CACNA1E: variants seen among roughly 807,000 people sequenced by gnomAD.
CACNA1E encodes the protein calcium voltage-gated channel subunit alpha1 E, also known as voltage-dependent R-type calcium channel subunit alpha-1E.
Under a neutral mutation model 259.2 loss-of-function variants are expected in CACNA1E, and 40 were observed. That is an observed-to-expected ratio of 0.15 (90% confidence interval 0.12 to 0.20). The LOEUF is 0.20. Among genes scored for constraint, CACNA1E ranks in the 10% least tolerant of loss-of-function variants. The pLI is 1.00. For synonymous variants in CACNA1E, 1,104 were observed against 1,138.5 expected (o/e 0.97, Z 0.61); for missense variants, 1,874 against 3,040.1 (o/e 0.62, Z 9.02).
intron 6 of CACNA1E, among the ~76,000 whole-genome samples, chr1:181,634,903 C>G (rs78954290): frequency 6.6e-6 from 1 of 152,190 alleles, no homozygotes; most frequent in Admixed American, 6.5e-5. Context: ...TCTAACCCTG[C>G]CTCTACGATG....
At chr1:181,747,437 A>C (rs1278468875) in intron 25 of CACNA1E, among the ~76,000 whole-genome samples, 2 of 139,540 alleles carry the variant, frequency 1.4e-5, no homozygotes, top group Non-Finnish European at 3.1e-5. Flanking sequence ...TGATGAAACA[A>C]GAAAAATCTG....
intron 7 of CACNA1E, among the ~76,000 whole-genome samples, chr1:181,654,578 T>A (rs1418827423): frequency 2.0e-5 from 3 of 152,164 alleles, no homozygotes. Context: ...TGTCCATAAC[T>A]GGGAGATTAT....
At position 181,771,368 on chromosome 1, in the gene CACNA1E, C is replaced by G; in HGVS notation, c.4957C>G (p.Leu1653Val). Residue 1653 changes from leucine (L) to valine (V), a missense_variant, in exon 36 of 48, where the codon CTA becomes GTA. Physicochemically the swap from Leu to Val is conservative, Grantham distance 32. Around this residue, in one of 14 missense-constraint regions of CACNA1E, gnomAD observed 147 missense variants for 337.1 expected, o/e 0.44. Coordinates refer to ENST00000367573, the MANE Select transcript of CACNA1E (RefSeq NM_001205293.3). Reference protein sequence around the residue: ...HNNFRSFFGSLMLLFRSATGE... With the variant: ...HNNFRSFFGSVMLLFRSATGE... ...CAACTTCCGGAGTTTCTTTGGGTCC[C>G]TAATGCTACTCTTCAGGTACCTGGA... The G allele has an allele frequency of 6.3e-7, 1 of 1,588,380 alleles. No individual in the cohort carries two copies. Among genetic ancestry groups the G allele is most frequent in the East Asian group, 2.2e-5 (1 of 44,552 alleles).
chr1:181,537,920 A>C (rs1246795134), intron 3 of CACNA1E, among the ~76,000 whole-genome samples: 1 of 152,240 alleles, frequency 6.6e-6, no homozygotes, highest in Non-Finnish European at 1.5e-5. Flanking sequence ...TAACACATGT[A>C]AAGCACTTAG....
chr1:181,350,190 G>A lies in CACNA1E; in HGVS notation c.-15+32067G>A, dbSNP rs79686742. 1.1e-4 allele frequency among the ~76,000 whole-genome samples: 17 copies of A among 152,292 alleles called. No individual in the cohort carries two copies. The East Asian group carries it at 1.9e-3, about 17-fold the overall frequency. ...TGCAGGCAGCCTTCCCTAAGGCCCC[G>A]TTCTCCATTTTAATTTTGGGAAACT... On this transcript the variant is annotated intron_variant, in intron 1 of 11. Coordinates refer to the CACNA1E transcript ENST00000524607.
chr1:181,428,904 G>A (rs376627651), intron 2 of CACNA1E, among the ~76,000 whole-genome samples: 3 of 152,286 alleles, frequency 2.0e-5, no homozygotes, highest in South Asian at 2.1e-4. Context: ...AAAGGAGGCC[G>A]GGTGCGGTGG....
chr1:181,606,368 TC>T (rs1334590358), intron 6 of CACNA1E, among the ~76,000 whole-genome samples: 1 of 152,138 alleles, frequency 6.6e-6, no homozygotes, highest in Non-Finnish European at 1.5e-5. Flanking sequence ...TCCTTCTTTT[TC>T]CCTACTCCTT....
chr1:181,318,856 A>C (rs1048516567), intron 1 of CACNA1E, among the ~76,000 whole-genome samples: 1 of 152,164 alleles, frequency 6.6e-6, no homozygotes, highest in African/African-American at 2.4e-5. Flanking sequence ...AAGAGCACAG[A>C]GGAAGCCAGG....
chr1:181,619,069 A>G (rs955969231), intron 6 of CACNA1E, among the ~76,000 whole-genome samples: 1 of 152,202 alleles, frequency 6.6e-6, no homozygotes, highest in Non-Finnish European at 1.5e-5. Context: ...GGGATACATC[A>G]GGGAACAAAA....
chr1:181,592,795 GCA>G (rs150144781), intron 6 of CACNA1E, among the ~76,000 whole-genome samples: 4 of 151,020 alleles, frequency 2.6e-5, no homozygotes, highest in Non-Finnish European at 4.4e-5. Flanking sequence ...TCCCATGCAT[GCA>G]CACACACACA....
intron 3 of CACNA1E, among the ~76,000 whole-genome samples, chr1:181,548,575 A>C (rs985833277): frequency 1.5e-4 from 23 of 152,188 alleles, no homozygotes; most frequent in African/African-American, 5.6e-4. Context: ...TGTCTTGCAC[A>C]TGGTTGTGCT....
Position 181,464,624 on chromosome 1 carries a change from C to A in CACNA1E, c.435-19120C>A, listed in dbSNP as rs1274709867. Among the ~76,000 whole-genome samples the A allele has an allele frequency of 2.8e-5, 4 of 143,984 alleles. No individual in the cohort carries two copies. In the East Asian group the frequency reaches 8.2e-4, roughly 30 times the overall value. The allele number at this position is 143,984 out of a possible 152,430, so 94.5% of individuals were successfully genotyped here. A position where few individuals can be genotyped will look rare whatever the true frequency, so the allele number is the denominator to read the frequency against. On this transcript the variant is annotated intron_variant, in intron 2 of 11. Transcript: ENST00000524607. ...GCTTTTTTTTTTTTTTTGTAGGCAA[C>A]TCTTATATTTTGGATGCAGGCAGCA... is the stretch of plus-strand genomic sequence containing the variant.
chr1:181,756,163 C>T (rs1658073441), intron 29 of CACNA1E, 70 bp downstream of exon 29: 2 of 1,433,180 alleles, frequency 1.4e-6, no homozygotes, highest in African/African-American at 1.4e-5. Flanking sequence ...GAAGCTGACT[C>T]AAGATGAACA....
At chr1:181,435,437 C>T (rs1272263481) in intron 2 of CACNA1E, among the ~76,000 whole-genome samples, 1 of 152,218 alleles carries the variant, frequency 6.6e-6, no homozygotes, top group East Asian at 1.9e-4. Flanking sequence ...TGTACTCTTA[C>T]TCACACTTAG....
intron 1 of CACNA1E, among the ~76,000 whole-genome samples, chr1:181,325,583 T>A (rs774275186): frequency 6.6e-6 from 1 of 152,256 alleles, no homozygotes; most frequent in Non-Finnish European, 1.5e-5. Flanking sequence ...TGGGAACCCC[T>A]GTTAGAAGGA....
chr1:181,656,270 T>C (rs774367200), intron 7 of CACNA1E, among the ~76,000 whole-genome samples: 91 of 152,244 alleles, frequency 6.0e-4, no homozygotes, highest in Middle Eastern at 3.4e-3. Flanking sequence ...GCTCCCTGTG[T>C]GTTATTGCTC....
chr1:181,653,423 G>A (rs558699064), intron 7 of CACNA1E, among the ~76,000 whole-genome samples: 71 of 152,300 alleles, frequency 4.7e-4, no homozygotes, highest in Non-Finnish European at 8.2e-4. Flanking sequence ...CAAGTGAGAT[G>A]TGCCTTTCAC....
At chr1:181,517,216 A>C (rs1424796487) in intron 3 of CACNA1E, among the ~76,000 whole-genome samples, 1 of 152,216 alleles carries the variant, frequency 6.6e-6, no homozygotes, top group Non-Finnish European at 1.5e-5. Flanking sequence ...TTAGCTGGGC[A>C]GGGAAGGAGA....
intron 3 of CACNA1E, among the ~76,000 whole-genome samples, chr1:181,543,392 A>T (rs1668743574): frequency 6.6e-6 from 1 of 152,188 alleles, no homozygotes. Flanking sequence ...TCTGCTATGG[A>T]CTGAATGTTC....
Sources: gnomAD v4.1 joint callset for allele counts (sites outside exome capture counted in the v4.1 genomes callset) on GRCh38, gnomAD v4.1.1 for gene constraint, gnomAD v4.1.1 regional missense constraint, MANE v1.5 for transcripts, NCBI Gene and HGNC (gene_info 2026-07-23, HGNC 2026-07-21) for gene names.